Variants in COG5 observed in about 807,000 individuals in gnomAD.
The protein encoded by COG5 is component of oligomeric golgi complex 5, also known as conserved oligomeric Golgi complex subunit 5.
A neutral mutation model predicts 110.4 loss-of-function variants in COG5; 86 were observed. The ratio of observed to expected loss-of-function variants is 0.78; its 90% CI spans 0.65 to 0.93. The LOEUF (loss-of-function observed/expected upper bound fraction) is 0.93, where lower values mean the gene tolerates loss of function less well. Among genes scored for constraint, COG5 ranks in the 40% least tolerant of loss-of-function variants. The probability of loss-of-function intolerance (pLI) is 0.00; values close to 1 mark genes in which losing one functional copy is unlikely to be tolerated. For missense variants in COG5, 1,077 were observed against 987.0 expected (o/e 1.09, Z -1.22); for synonymous variants, 360 against 334.6 (o/e 1.08, Z -0.83).
At chr7:107,503,112 T>TC (rs1340122830) in intron 6 of COG5, among the ~76,000 whole-genome samples, 4 of 152,200 alleles carry the variant, frequency 2.6e-5, no homozygotes, top group Non-Finnish European at 4.4e-5. Flanking sequence ...CTAGGTTTTC[T>TC]CCTACGGTTT....
At chr7:107,541,523 A>AAAAAAATATATATATATAT (rs60423657) in intron 5 of COG5, among the ~76,000 whole-genome samples, 1 of 57,028 alleles carries the variant, frequency 1.8e-5, no homozygotes, top group African/African-American at 6.7e-5. Context: ...AAAAAAAAAA[A>AAAAAAATATATATATATAT]ATATATATAT....
chr7:107,269,851 G>T (rs556934598), intron 14 of COG5, among the ~76,000 whole-genome samples: 8 of 152,300 alleles, frequency 5.3e-5, no homozygotes, highest in Admixed American at 5.2e-4. Flanking sequence ...TGGCCTGCTA[G>T]AGCTGGCAGG....
In COG5 at chr7:107,215,663, T is replaced by TCAAA. The variant is rs1018123941; in HGVS notation, c.2169-4442_2169-4439dup. 1.4e-3 allele frequency among the ~76,000 whole-genome samples: 217 copies of TCAAA among 151,728 alleles called. 3 individuals carry two copies. Among genetic ancestry groups the TCAAA allele is most frequent in the African/African-American group, 3.9e-3 (161 of 41,400 alleles). The stretch of plus-strand genomic sequence containing the variant: ...CTGGGTGACAGAGTGAGACTCCGTC[T>TCAAA]CAAACAAACAAACAAACAAACAAAC... On this transcript the variant is annotated intron_variant, in intron 19 of 21. Coordinates refer to ENST00000297135, the MANE Select transcript of COG5 (RefSeq NM_006348.5).
At chr7:107,546,057 A>G (rs984645943) in intron 5 of COG5, among the ~76,000 whole-genome samples, 7 of 152,158 alleles carry the variant, frequency 4.6e-5, no homozygotes, top group African/African-American at 1.4e-4. Context: ...CTAGAAATCA[A>G]TAAAGGATGG....
At chr7:107,205,684 C>T (rs1798717939) in intron 21 of COG5, among the ~76,000 whole-genome samples, 1 of 152,186 alleles carries the variant, frequency 6.6e-6, no homozygotes, top group Non-Finnish European at 1.5e-5. Flanking sequence ...TGCTTACTTT[C>T]TTGCGCAGCT....
At chr7:107,427,232 G>A (rs1793699738) in intron 6 of COG5, among the ~76,000 whole-genome samples, 1 of 152,060 alleles carries the variant, frequency 6.6e-6, no homozygotes, top group Admixed American at 6.5e-5. Context: ...AATAATGGAG[G>A]GTTCCAAACT....
At chr7:107,390,590 C>G (rs1483801109) in intron 7 of COG5, among the ~76,000 whole-genome samples, 1 of 151,772 alleles carries the variant, frequency 6.6e-6, no homozygotes, top group Non-Finnish European at 1.5e-5. Context: ...CAACTTAAAA[C>G]TAAAATTTTA....
intron 6 of COG5, among the ~76,000 whole-genome samples, chr7:107,513,692 T>C (rs1367697216): frequency 1.3e-5 from 2 of 152,098 alleles, no homozygotes; most frequent in East Asian, 1.9e-4. Context: ...ATGTGGCACA[T>C]ATACACCATG....
intron 7 of COG5, among the ~76,000 whole-genome samples, chr7:107,409,908 T>C (rs184563317): frequency 6.6e-6 from 1 of 152,252 alleles, no homozygotes; most frequent in East Asian, 1.9e-4. Context: ...GAAACAACCA[T>C]CTGTGAAATG....
chr7:107,248,614 C>T, intron 16 of COG5, 115 bp from the exon 17 acceptor site: 1 of 727,568 alleles, frequency 1.4e-6, no homozygotes, highest in Non-Finnish European at 2.4e-6. Flanking sequence ...ATATCAAATG[C>T]AGACTAAGTT....
At chr7:107,411,924 A>G (rs1792330764) in intron 7 of COG5, among the ~76,000 whole-genome samples, 1 of 152,174 alleles carries the variant, frequency 6.6e-6, no homozygotes, top group African/African-American at 2.4e-5. Context: ...AATCTAATAC[A>G]TCAATACCTT....
chr7:107,535,625 C>G (rs1231018692), intron 5 of COG5, among the ~76,000 whole-genome samples: 1 of 152,032 alleles, frequency 6.6e-6, no homozygotes. Flanking sequence ...AAGTTGAATC[C>G]CTGAATAGAC....
intron 18 of COG5, among the ~76,000 whole-genome samples, chr7:107,235,654 G>C (rs998369048): frequency 2.0e-5 from 3 of 152,224 alleles, no homozygotes; most frequent in Admixed American, 1.3e-4. Flanking sequence ...AGTGAGCTGA[G>C]ATTGTGCCAC....
At position 107,385,086 on chromosome 7, in the gene COG5, C is replaced by T. The variant is rs115966099; in HGVS notation, c.670-12326G>A. ...ACTGAATTATAGTGGGCCTTAAAGCCAATGACTGATGTCCTTTTAAAAGAA... is the reference window on the plus strand; with the variant it reads ...ACTGAATTATAGTGGGCCTTAAAGCTAATGACTGATGTCCTTTTAAAAGAA... On this transcript the variant is annotated intron_variant, in intron 7 of 21. Coordinates refer to ENST00000297135, the MANE Select transcript of COG5 (RefSeq NM_006348.5). Among the ~76,000 whole-genome samples, 810 of 152,280 alleles carry T rather than the reference C, an allele frequency of 5.3e-3. 9 individuals carry two copies. Among genetic ancestry groups the T allele is most frequent in the African/African-American group, 0.019 (788 of 41,540 alleles).
At chr7:107,206,091 G>C (rs1366168523) in intron 21 of COG5, among the ~76,000 whole-genome samples, 1 of 152,048 alleles carries the variant, frequency 6.6e-6, no homozygotes, top group Non-Finnish European at 1.5e-5. Context: ...CTCCCGAGTA[G>C]CTGGGACTAC....
At chr7:107,276,993 G>T (rs7783562) in intron 14 of COG5, among the ~76,000 whole-genome samples, 17,917 of 152,154 alleles carry the variant, frequency 0.12, 1,201 homozygotes, top group Non-Finnish European at 0.15. Flanking sequence ...AGGAACTAAA[G>T]CCTATTGCTT....
chr7:107,249,446 T>C (rs1802312324), intron 16 of COG5, among the ~76,000 whole-genome samples: 1 of 152,104 alleles, frequency 6.6e-6, no homozygotes, highest in Non-Finnish European at 1.5e-5. Flanking sequence ...TTACTTGATG[T>C]AAAACCCTAG....
chr7:107,350,719 C>T (rs1423743928), intron 10 of COG5, among the ~76,000 whole-genome samples: 1 of 152,078 alleles, frequency 6.6e-6, no homozygotes, highest in Non-Finnish European at 1.5e-5. Context: ...GGGAATGACA[C>T]GTTGTTACCA....
At chr7:107,439,721 T>C (rs974297295) in intron 6 of COG5, among the ~76,000 whole-genome samples, 10 of 152,214 alleles carry the variant, frequency 6.6e-5, no homozygotes, top group Admixed American at 2.0e-4. Flanking sequence ...TAGACTATCA[T>C]GTCATCTGCA....
Sources: allele counts gnomAD v4.1 joint callset (sites outside exome capture counted in the v4.1 genomes callset), GRCh38; gene constraint gnomAD v4.1.1; transcripts MANE v1.5; gene names NCBI Gene and HGNC (gene_info 2026-07-23, HGNC 2026-07-21).